KANK1: variants seen among roughly 807,000 people sequenced by gnomAD.
KANK1 encodes the protein KN motif and ankyrin repeat domain-containing protein 1.
A neutral mutation model predicts 106.2 loss-of-function variants in KANK1; 109 were observed. The ratio of observed to expected loss-of-function variants is 1.03; its 90% confidence interval spans 0.88 to 1.20. The LOEUF (loss-of-function observed/expected upper bound fraction) is 1.20. Ranked by LOEUF, KANK1 falls within the 50% of genes most tolerant of loss-of-function variation. The pLI, the probability that KANK1 is intolerant of heterozygous loss-of-function variation, is 0.00. For missense variants in KANK1, 2,399 were observed against 1,710.7 expected (o/e 1.40, Z -7.10); for synonymous variants, 873 against 652.2 (o/e 1.34, Z -5.16).
At chr9:504,220 G>A (rs1316211879), upstream of KANK1, among the ~76,000 whole-genome samples, 1 of 152,214 alleles carries the variant, frequency 6.6e-6, no homozygotes, top group Admixed American at 6.5e-5. Flanking sequence ...TCTCACGGGG[G>A]CTGGATTTCT....
intron 3 of KANK1, among the ~76,000 whole-genome samples, chr9:717,643 TAAG>T (rs1462987877): frequency 6.6e-6 from 1 of 152,144 alleles, no homozygotes; most frequent in African/African-American, 2.4e-5. Flanking sequence ...ATAAAAAAGT[TAAG>T]AGGAAATGAG....
In KANK1 at chr9:734,921, G is replaced by A. The variant is rs149383466; in HGVS notation, c.3333+86G>A. Reference sequence around the variant, plus strand: ...TCAAGGCCAGCTGTAGGCTGCCCGAGCTGTTGCTTGCATGCTTTTCTCCTG... The same window carrying A: ...TCAAGGCCAGCTGTAGGCTGCCCGAACTGTTGCTTGCATGCTTTTCTCCTG... On this transcript the variant is annotated intron_variant, in intron 7 of 11. Coordinates refer to ENST00000382297, the MANE Select transcript of KANK1 (RefSeq NM_015158.5). The A allele has an allele frequency of 8.6e-5, 79 of 917,730 alleles. No individual in the cohort carries two copies. The East Asian group carries it at 1.8e-3, about 21-fold the overall frequency. 56.8% of individuals were successfully genotyped at this position (917,730 alleles called of 1,614,324 possible). A position where few individuals can be genotyped will look rare whatever the true frequency, so the allele number is the denominator to read the frequency against.
At chr9:670,881 T>G (rs1845717672) in intron 1 of KANK1, among the ~76,000 whole-genome samples, 1 of 151,722 alleles carries the variant, frequency 6.6e-6, no homozygotes, top group Non-Finnish European at 1.5e-5. Context: ...TACATGTGCT[T>G]GATACCAAGC....
intron 2 of KANK1, among the ~76,000 whole-genome samples, chr9:698,600 T>A (rs1238194934): frequency 6.6e-6 from 1 of 152,120 alleles, no homozygotes; most frequent in Non-Finnish European, 1.5e-5. Context: ...CTCAGTTTCC[T>A]CCGAAGTATT....
intron 3 of KANK1, among the ~76,000 whole-genome samples, chr9:488,590 T>A (rs1179015348): frequency 6.6e-6 from 1 of 152,170 alleles, no homozygotes; most frequent in Non-Finnish European, 1.5e-5. Context: ...TCTGATAACA[T>A]CCTTCCTGTC....
chr9:538,206 C>T (rs1455584332), intron 1 of KANK1, among the ~76,000 whole-genome samples: 1 of 151,996 alleles, frequency 6.6e-6, no homozygotes, highest in Non-Finnish European at 1.5e-5. Context: ...TAATAGTGCC[C>T]AACTTAGGAT....
At chr9:472,087 T>C (rs772546298) in intron 2 of KANK1, among the ~76,000 whole-genome samples, 1 of 152,248 alleles carries the variant, frequency 6.6e-6, no homozygotes, top group African/African-American at 2.4e-5. Flanking sequence ...CATATAATTA[T>C]TGGTGCTTCA....
chr9:613,544 G>A (rs1393855656), intron 1 of KANK1, among the ~76,000 whole-genome samples: 4 of 151,976 alleles, frequency 2.6e-5, no homozygotes, highest in Non-Finnish European at 5.9e-5. Flanking sequence ...GTGGCCCAGG[G>A]AAGCCAAAAC....
intron 7 of KANK1, among the ~76,000 whole-genome samples, chr9:738,006 G>C (rs142605241): frequency 4.1e-4 from 63 of 152,312 alleles, no homozygotes; most frequent in African/African-American, 1.4e-3. Context: ...AGGTAGCAGA[G>C]CCTGCATTTG....
chr9:711,943 A>C lies in KANK1; in HGVS notation c.1177A>C (p.Arg393=). 1.2e-6 allele frequency: 2 copies of C among 1,614,196 alleles called. No homozygotes were observed. The highest frequency in any genetic ancestry group is 1.7e-4 in the Middle Eastern group (1 of 6,060). ...CAGCTGTGAGGCCTCCTCAGAGCTC[A>C]GGGAGAATGGAGAGTGCCGGTCTGT... is the stretch of plus-strand genomic sequence containing the variant. The part of the protein sequence containing the change: ...DSSCEASSEL[R]ENGECRSVAV... The change falls in exon 3 of 12, where the codon AGG becomes CGG. Residue 393 remains arginine (R), a synonymous_variant. Coordinates refer to ENST00000382297, the MANE Select transcript of KANK1 (RefSeq NM_015158.5).
intron 2 of KANK1, among the ~76,000 whole-genome samples, chr9:704,753 G>A (rs887271685): frequency 6.6e-6 from 1 of 152,036 alleles, no homozygotes; most frequent in Non-Finnish European, 1.5e-5. Context: ...GGCTGAGGTG[G>A]GAGGATTGCT....
At chr9:477,114 G>T (rs549345357) in intron 3 of KANK1, among the ~76,000 whole-genome samples, 2 of 152,328 alleles carry the variant, frequency 1.3e-5, no homozygotes, top group African/African-American at 4.8e-5. Flanking sequence ...AGCAGGGCAT[G>T]ACAGGGAGTT....
chr9:634,713 C>G (rs1190823593), intron 1 of KANK1, among the ~76,000 whole-genome samples: 1 of 152,222 alleles, frequency 6.6e-6, no homozygotes, highest in Non-Finnish European at 1.5e-5. Flanking sequence ...CCGTGGTTAT[C>G]TTAGCCCATG....
chr9:724,013 G>GGATT (rs1445155537), intron 3 of KANK1, among the ~76,000 whole-genome samples: 1 of 151,534 alleles, frequency 6.6e-6, no homozygotes, highest in Non-Finnish European at 1.5e-5. Flanking sequence ...TGAGGTGGGA[G>GGATT]GATTGATTAA....
intron 2 of KANK1, among the ~76,000 whole-genome samples, chr9:472,586 A>G (rs1488794918): frequency 2.0e-5 from 3 of 152,208 alleles, no homozygotes; most frequent in Non-Finnish European, 4.4e-5. Context: ...GCAAAGTGAT[A>G]CTGTACAAGT....
In KANK1 at chr9:745,322, T is replaced by C; in HGVS notation, c.*87T>C. 6.5e-7 allele frequency: 1 copy of C among 1,539,770 alleles called. No individual in the cohort carries two copies. The highest frequency in any genetic ancestry group is 2.3e-5 in the East Asian group (1 of 44,132). On this transcript the variant is annotated 3_prime_UTR_variant, in exon 12 of 12. Coordinates refer to ENST00000382297, the MANE Select transcript of KANK1 (RefSeq NM_015158.5). ...GTGACAGATACTGAATGTATACGTA[T>C]TGTGCCTGAGCTCACCAGCAAACAG...
intron 1 of KANK1, among the ~76,000 whole-genome samples, chr9:532,974 G>A (rs976577768): frequency 2.6e-5 from 4 of 152,154 alleles, no homozygotes; most frequent in African/African-American, 9.6e-5. Context: ...CGATAATGGG[G>A]CATCTCTGGC....
intron 2 of KANK1, chr9:686,771 C>A: frequency 1.0e-6 from 1 of 985,350 alleles, no homozygotes; most frequent in African/African-American, 1.7e-5. Flanking sequence ...TCTGAGTGGG[C>A]CCAAGCATCA....
At chr9:717,554 T>C (rs1376372573) in intron 3 of KANK1, among the ~76,000 whole-genome samples, 2 of 152,246 alleles carry the variant, frequency 1.3e-5, no homozygotes, top group African/African-American at 2.4e-5. Context: ...AATTGGAACC[T>C]GATAGTGACC....
Sources: gnomAD v4.1 joint callset for allele counts (sites outside exome capture counted in the v4.1 genomes callset) on GRCh38, gnomAD v4.1.1 for gene constraint, MANE v1.5 for transcripts, NCBI Gene and HGNC (gene_info 2026-07-23, HGNC 2026-07-21) for gene names.